ATP6V1H: variants seen among roughly 807,000 people sequenced by gnomAD.
ATP6V1H encodes ATPase H+ transporting V1 subunit H.
In ATP6V1H, 39 loss-of-function variants were observed where a neutral mutation model predicts 71.7. The observed-to-expected ratio is 0.54, with a 90% CI of 0.42 to 0.71. The LOEUF (loss-of-function observed/expected upper bound fraction) is 0.71. Among genes scored for constraint, ATP6V1H ranks in the 30% least tolerant of loss-of-function variants. ATP6V1H has a pLI of 0.00. For missense variants in ATP6V1H, 509 were observed against 594.9 expected, an observed-to-expected ratio of 0.86 and a Z score of 1.50; for synonymous variants, 192 against 199.3, an observed-to-expected ratio of 0.96 and a Z score of 0.31.
rs544998451 is a variant in ATP6V1H, at chr8:53,770,904, T to C, written c.1049+1085A>G. Among the ~76,000 whole-genome samples, 4 of 152,300 alleles carry C rather than the reference T, an allele frequency of 2.6e-5. No homozygotes were observed. In the South Asian group the frequency reaches 8.3e-4, roughly 32 times the overall value. On this transcript the variant is annotated intron_variant, in intron 10 of 13. Coordinates refer to ENST00000359530, the MANE Select transcript of ATP6V1H (RefSeq NM_015941.4). ...TGGCCTGCCTATTATAATCAATGTA[T>C]CCATATTTGAAATATTTGAAAATCT...
intron 9 of ATP6V1H, among the ~76,000 whole-genome samples, chr8:53,790,637 C>T (rs1809537194): frequency 6.6e-6 from 1 of 152,208 alleles, no homozygotes; most frequent in Admixed American, 6.5e-5. Context: ...AGCCCAAGAG[C>T]CCAGCGAACC....
chr8:53,755,858 C>T (rs529233647), intron 12 of ATP6V1H, among the ~76,000 whole-genome samples: 1 of 106,850 alleles, frequency 9.4e-6, no homozygotes, highest in Non-Finnish European at 1.9e-5. Flanking sequence ...CCCGGGTTCA[C>T]GCCATTCTCC....
chr8:53,822,320 G>A (rs1329067872), intron 4 of ATP6V1H, among the ~76,000 whole-genome samples: 1 of 152,018 alleles, frequency 6.6e-6, no homozygotes, highest in Non-Finnish European at 1.5e-5. Context: ...CAAAACAAAG[G>A]TGGGAACAAG....
intron 11 of ATP6V1H, among the ~76,000 whole-genome samples, chr8:53,760,368 T>C (rs368024670): frequency 7.2e-5 from 11 of 152,182 alleles, no homozygotes; most frequent in African/African-American, 2.4e-4. Flanking sequence ...GGCAGGACAC[T>C]GAACATGACA....
At chr8:53,803,881 T>C (rs988739775) in intron 7 of ATP6V1H, among the ~76,000 whole-genome samples, 1 of 152,170 alleles carries the variant, frequency 6.6e-6, no homozygotes, top group Non-Finnish European at 1.5e-5. Flanking sequence ...TCTAGACAAA[T>C]GAATAAAAAG....
chr8:53,786,650 T>C (rs1809394298), intron 9 of ATP6V1H, among the ~76,000 whole-genome samples: 2 of 152,246 alleles, frequency 1.3e-5, no homozygotes, highest in Non-Finnish European at 2.9e-5. Context: ...CTGTTACTAT[T>C]GAGCCATCTT....
intron 5 of ATP6V1H, 124 bp from the exon 6 acceptor site, chr8:53,814,890 T>C: frequency 1.9e-6 from 1 of 528,672 alleles, no homozygotes. Context: ...CCTCTAAAAA[T>C]AATAGTTTAT....
At chr8:53,776,036 C>T (rs1250420148) in intron 9 of ATP6V1H, among the ~76,000 whole-genome samples, 2 of 152,234 alleles carry the variant, frequency 1.3e-5, no homozygotes, top group African/African-American at 4.8e-5. Flanking sequence ...GTCCCGAGGC[C>T]TGCCCCGCGG....
chr8:53,756,722 G>T, intron 11 of ATP6V1H, 66 bp from the exon 12 acceptor site: 2 of 972,526 alleles, frequency 2.1e-6, no homozygotes, highest in Non-Finnish European at 3.1e-6. Flanking sequence ...ACAGAGCACA[G>T]GTATAATGAA....
chr8:53,785,920 C>T lies in ATP6V1H; in HGVS notation c.870+9727G>A, dbSNP rs559681375. 1.7e-3 allele frequency among the ~76,000 whole-genome samples: 252 copies of T among 152,292 alleles called. 5 individuals carry two copies. In the South Asian group the frequency reaches 0.022, roughly 14 times the overall value. ...GGAAGTTTTGTCTCAGAGGAGTACCCGGCTGTGTGAGGTGTCAGTCCACCC... is the reference window on the plus strand; with the variant it reads ...GGAAGTTTTGTCTCAGAGGAGTACCTGGCTGTGTGAGGTGTCAGTCCACCC... On this transcript the variant is annotated intron_variant, in intron 9 of 13. Coordinates refer to ENST00000359530, the MANE Select transcript of ATP6V1H (RefSeq NM_015941.4).
At chr8:53,756,317 T>C in intron 12 of ATP6V1H, 1 of 295,360 alleles carries the variant, frequency 3.4e-6, no homozygotes, top group Non-Finnish European at 6.2e-6. Context: ...CTCCTGACCT[T>C]GTGATCTGCC....
intron 5 of ATP6V1H, among the ~76,000 whole-genome samples, chr8:53,816,220 T>C (rs966302128): frequency 2.0e-5 from 3 of 152,210 alleles, no homozygotes; most frequent in South Asian, 2.1e-4. Flanking sequence ...TGAATACATA[T>C]ACATGTGGAA....
intron 8 of ATP6V1H, among the ~76,000 whole-genome samples, chr8:53,797,209 G>C (rs943139145): frequency 6.6e-6 from 1 of 152,136 alleles, no homozygotes; most frequent in Non-Finnish European, 1.5e-5. Flanking sequence ...CTACCAGTTG[G>C]CTCCATGTTA....
intron 13 of ATP6V1H, among the ~76,000 whole-genome samples, chr8:53,718,088 TCA>T (rs954367744): frequency 4.3e-4 from 66 of 152,276 alleles, no homozygotes; most frequent in African/African-American, 1.5e-3. Flanking sequence ...GTGCGTCTGG[TCA>T]CAGACAGGCT....
intron 2 of ATP6V1H, among the ~76,000 whole-genome samples, chr8:53,838,100 C>T (rs976407919): frequency 6.6e-6 from 1 of 150,698 alleles, no homozygotes; most frequent in African/African-American, 2.5e-5. Context: ...CCAGGTGTTC[C>T]TCGGCCTGGA....
intron 11 of ATP6V1H, among the ~76,000 whole-genome samples, chr8:53,760,141 T>A (rs896498640): frequency 2.0e-5 from 3 of 152,194 alleles, no homozygotes; most frequent in Non-Finnish European, 4.4e-5. Context: ...TTCCAACAGA[T>A]AGAAAACACC....
chr8:53,717,807 C>A (rs556935226), intron 13 of ATP6V1H, among the ~76,000 whole-genome samples: 79 of 152,106 alleles, frequency 5.2e-4, no homozygotes, highest in Admixed American at 2.4e-3. Context: ...TGTGAGAAAT[C>A]AAGCCTGAAG....
rs143617728 is a variant in ATP6V1H, at chr8:53,796,766, G to A, written c.678-927C>T. Among the ~76,000 whole-genome samples, 378 of 152,248 alleles carry A rather than the reference G, an allele frequency of 2.5e-3. 2 individuals are homozygous for A. Among genetic ancestry groups the A allele is most frequent in the African/African-American group, 7.3e-3 (303 of 41,532 alleles). On this transcript the variant is annotated intron_variant, in intron 8 of 13. Transcript: ENST00000359530. Reference sequence around the variant, plus strand: ...GTTAATGATAATGGAAATTTGAGGCGGGAGAGGAGAGGATGTAATGGAAAC... The same window carrying A: ...GTTAATGATAATGGAAATTTGAGGCAGGAGAGGAGAGGATGTAATGGAAAC...
rs148639400 is a variant in ATP6V1H at position 53,835,937 on chromosome 8, G to A, written c.114-2851C>T. Among the ~76,000 whole-genome samples, 345 of 152,002 alleles carry A rather than the reference G, an allele frequency of 2.3e-3. 2 individuals carry two copies. The highest frequency in any genetic ancestry group is 7.9e-3 in the African/African-American group (327 of 41,442). On this transcript the variant is annotated intron_variant, in intron 2 of 13. Transcript: ENST00000359530. ...GCTGAACTCTGGCATTATTTCCCCC[G>A]GTCCCCACTCATATCCTCCCACAGA...
Sources: allele counts gnomAD v4.1 joint callset (sites outside exome capture counted in the v4.1 genomes callset), GRCh38; gene constraint gnomAD v4.1.1; transcripts MANE v1.5; gene names NCBI Gene and HGNC (gene_info 2026-07-23, HGNC 2026-07-21).